Variants in VCAN observed in about 807,000 individuals in gnomAD.
The protein encoded by VCAN is versican core protein.
In VCAN, 44 loss-of-function variants were observed where a neutral mutation model predicts 245.5. That is an observed-to-expected ratio of 0.18 (90% CI 0.14 to 0.23). The LOEUF is 0.23. Ranked by LOEUF, VCAN falls within the 10% of genes least tolerant of loss-of-function variation. The pLI is 1.00. For missense variants in VCAN, 3,793 were observed against 4,057.9 expected (o/e 0.93, Z 1.77); for synonymous variants, 1,413 against 1,437.0 (o/e 0.98, Z 0.38).
At chr5:83,543,412 A>G (rs2445873) in intron 8 of VCAN, among the ~76,000 whole-genome samples, 103,887 of 152,098 alleles carry the variant, frequency 0.68, 36,226 homozygotes, top group African/African-American at 0.83. Flanking sequence ...GTTTTATGCC[A>G]TGACTATCGT....
intron 6 of VCAN, among the ~76,000 whole-genome samples, chr5:83,517,869 G>A (rs907437706): frequency 1.3e-5 from 2 of 152,100 alleles, no homozygotes; most frequent in African/African-American, 2.4e-5. Context: ...CTTTAAAATG[G>A]TCTGGGGAAT....
At chr5:83,488,032 A>G (rs1022460031) in intron 2 of VCAN, among the ~76,000 whole-genome samples, 3 of 152,200 alleles carry the variant, frequency 2.0e-5, no homozygotes, top group Non-Finnish European at 2.9e-5. Context: ...ATAGTACTTT[A>G]TTTGTGGCAA....
rs1174202057 is a variant in VCAN, at chr5:83,580,044, T to C, written c.9945T>C (p.Tyr3315=). Residue 3315 remains tyrosine, a synonymous_variant, in exon 14 of 15, where the codon TAT becomes TAC. Transcript: ENST00000265077. ...AKTFGKMKPR[Y]EINSLIRYHC... The stretch of plus-strand genomic sequence containing the variant: ...CCTTTGGAAAGATGAAACCTCGTTA[T>C]GAAATCAACTCCCTGATTAGATACC... 1 of 1,614,030 alleles carries C rather than the reference T, an allele frequency of 6.2e-7. No individual in the cohort carries two copies.
In VCAN at chr5:83,494,215, G is replaced by A. The variant is rs140215491; in HGVS notation, c.748+284G>A. Among the ~76,000 whole-genome samples, 705 of 152,256 alleles carry A rather than the reference G, an allele frequency of 4.6e-3. 2 individuals carry two copies. Among genetic ancestry groups the A allele is most frequent in the African/African-American group, 0.016 (669 of 41,544 alleles). On this transcript the variant is annotated intron_variant, in intron 5 of 14. Transcript: ENST00000265077. ...GTTTCCAATACACTTTTAGATCATT[G>A]AGAATAGAAAGCTGTAAGGGTGGTA...
chr5:83,484,764 T>C (rs551111851), intron 2 of VCAN, among the ~76,000 whole-genome samples: 1 of 152,294 alleles, frequency 6.6e-6, no homozygotes, highest in Non-Finnish European at 1.5e-5. Flanking sequence ...TACTTTCAAA[T>C]TGATGAACAT....
At chr5:83,477,955 T>C (rs886723705) in intron 1 of VCAN, among the ~76,000 whole-genome samples, 1 of 149,122 alleles carries the variant, frequency 6.7e-6, no homozygotes, top group Non-Finnish European at 1.5e-5. Context: ...TTTTTTCTTT[T>C]TTTTTTTTTT....
Position 83,540,038 on chromosome 5 carries a change from G to A in VCAN, c.7035G>A (p.Thr2345=), listed in dbSNP as rs200757689. ...GTGACACTGGAGCAGAAGGACCCAC[G>A]GTGGCACCTCTCCCTTTCTCCACGG... ...ILSDTGAEGP[T]VAPLPFSTDI... Residue 2345 remains threonine (T), a synonymous_variant, in exon 8 of 15, where the codon ACG becomes ACA. Coordinates refer to ENST00000265077, the MANE Select transcript of VCAN (RefSeq NM_004385.5). 1.3e-4 allele frequency: 211 copies of A among 1,613,890 alleles called. No individual in the cohort carries two copies. The highest frequency in any genetic ancestry group is 1.5e-4 in the Non-Finnish European group (176 of 1,180,012).
chr5:83,568,115 T>G (rs1748152900), intron 12 of VCAN, among the ~76,000 whole-genome samples: 1 of 138,368 alleles, frequency 7.2e-6, no homozygotes, highest in African/African-American at 2.7e-5. Context: ...GAAAAGTACG[T>G]TATTGAAGCT....
chr5:83,547,781 A>G (rs1747290733), intron 9 of VCAN, among the ~76,000 whole-genome samples, 190 bp from the exon 10 acceptor site: 1 of 152,210 alleles, frequency 6.6e-6, no homozygotes, highest in Non-Finnish European at 1.5e-5. Flanking sequence ...GTAAAAACGA[A>G]ATAACTTTGT....
chr5:83,549,368 C>T (rs912818019), intron 10 of VCAN, among the ~76,000 whole-genome samples: 6 of 152,128 alleles, frequency 3.9e-5, no homozygotes, highest in African/African-American at 7.2e-5. Context: ...CATCCTGGCA[C>T]ATTGTTTCAT....
intron 5 of VCAN, among the ~76,000 whole-genome samples, chr5:83,495,314 C>T (rs868070572): frequency 1.3e-5 from 2 of 152,138 alleles, no homozygotes; most frequent in African/African-American, 4.8e-5. Flanking sequence ...AATGCCTTGA[C>T]TAAATTTGCA....
Position 83,539,854 on chromosome 5 carries a change from A to G in VCAN, c.6851A>G (p.Tyr2284Cys), listed in dbSNP as rs879142124. 6.2e-7 allele frequency: 1 copy of G among 1,614,096 alleles called. No homozygotes were observed. Among genetic ancestry groups the G allele is most frequent in the South Asian group, 1.1e-5 (1 of 91,088 alleles). ...TEVEQINNTLYPHTSQVESTS... is the reference protein window; with the variant it reads ...TEVEQINNTLCPHTSQVESTS... Reference sequence around the variant, plus strand: ...GTGGAACAAATCAATAACACATTATATCCCCACACTTCTCAAGTGGAAAGT... The same window carrying G: ...GTGGAACAAATCAATAACACATTATGTCCCCACACTTCTCAAGTGGAAAGT... Residue 2284 changes from tyrosine (Y) to cysteine (C), a missense_variant, in exon 8 of 15, where the codon TAT becomes TGT. Coordinates refer to ENST00000265077, the MANE Select transcript of VCAN (RefSeq NM_004385.5).
intron 5 of VCAN, among the ~76,000 whole-genome samples, chr5:83,495,590 A>AT (rs1281608087): frequency 6.6e-6 from 1 of 152,220 alleles, no homozygotes; most frequent in East Asian, 1.9e-4. Context: ...GAATCTGATT[A>AT]AATAAACTAG....
In VCAN at chr5:83,493,622, C is replaced by T. The variant is rs150142826; in HGVS notation, c.522C>T (p.Asp174=). Residue 174 remains aspartate (D), a synonymous_variant, in exon 4 of 15, where the codon GAC becomes GAT. Coordinates refer to ENST00000265077, the MANE Select transcript of VCAN (RefSeq NM_004385.5). ...NFEAAQKACL[D]VGAVIATPEQ... ...AGGCTGCTCAGAAGGCTTGTTTGGA[C>T]GTTGGGGCAGTCATAGCAACTCCAG... 362 of 1,613,896 alleles carry T rather than the reference C, an allele frequency of 2.2e-4. No homozygotes were observed. The highest frequency in any genetic ancestry group is 2.9e-4 in the Non-Finnish European group (337 of 1,180,024).
At chr5:83,519,269 CAGGAG>C in intron 6 of VCAN, 75 bp from the exon 7 acceptor site, 1 of 1,467,946 alleles carries the variant, frequency 6.8e-7, no homozygotes, top group Non-Finnish European at 9.4e-7. Flanking sequence ...ACAAAATACT[CAGGAG>C]CACTTAACAA....
Position 83,509,497 on chromosome 5 carries a change from T to C in VCAN, c.749-2606T>C, listed in dbSNP as rs1158187632. ...GGAGAAGTTGATGTTCCTCAATAGA[T>C]AGACTAACAGTGCAGTTGGAGAAGC... is the stretch of plus-strand genomic sequence containing the variant. On this transcript the variant is annotated intron_variant, in intron 5 of 14. Coordinates refer to ENST00000265077, the MANE Select transcript of VCAN (RefSeq NM_004385.5). Among the ~76,000 whole-genome samples, 4 of 152,352 alleles carry C rather than the reference T, an allele frequency of 2.6e-5. No homozygotes were observed. In the East Asian group the frequency reaches 5.8e-4, roughly 22 times the overall value.
intron 13 of VCAN, among the ~76,000 whole-genome samples, chr5:83,575,667 A>T (rs1421677071): frequency 6.6e-6 from 1 of 152,190 alleles, no homozygotes; most frequent in Non-Finnish European, 1.5e-5. Context: ...ACTACATGTC[A>T]GTAGCACCTT....
At chr5:83,567,673 T>C (rs992658082) in intron 12 of VCAN, among the ~76,000 whole-genome samples, 1 of 152,202 alleles carries the variant, frequency 6.6e-6, no homozygotes, top group African/African-American at 2.4e-5. Flanking sequence ...TTTAGGGTTC[T>C]CTTTCAGGTG....
At chr5:83,557,816 T>C (rs563368095) in intron 12 of VCAN, among the ~76,000 whole-genome samples, 1 of 152,256 alleles carries the variant, frequency 6.6e-6, no homozygotes, top group South Asian at 2.1e-4. Flanking sequence ...CTTAATTAGT[T>C]GGCACTTTCA....
Sources: gnomAD v4.1 joint callset for allele counts (sites outside exome capture counted in the v4.1 genomes callset) on GRCh38, gnomAD v4.1.1 for gene constraint, MANE v1.5 for transcripts, NCBI Gene and HGNC (gene_info 2026-07-23, HGNC 2026-07-21) for gene names.